TTC7A: variants seen among roughly 807,000 people sequenced by gnomAD.
TTC7A encodes the protein tetratricopeptide repeat domain 7A, also known as tetratricopeptide repeat protein 7A.
Under a neutral mutation model 103.7 loss-of-function variants are expected in TTC7A, and 110 were observed. The ratio of observed to expected loss-of-function variants is 1.06; its 90% CI spans 0.91 to 1.24. TTC7A has a LOEUF of 1.24. Among genes scored for constraint, TTC7A ranks in the 50% most tolerant of loss-of-function variants. TTC7A has a pLI of 0.00. For synonymous variants in TTC7A, 521 were observed against 467.9 expected (o/e 1.11, Z -1.47); for missense variants, 1,340 against 1,116.3 (o/e 1.20, Z -2.86).
chr2:46,917,976 C>G (rs1001283988), intron 2 of TTC7A, among the ~76,000 whole-genome samples: 11 of 152,292 alleles, frequency 7.2e-5, no homozygotes, highest in African/African-American at 2.6e-4. Flanking sequence ...CCTTCTCTAT[C>G]CACCCTCCCT....
chr2:47,038,684 G>T (rs909371494), intron 15 of TTC7A, among the ~76,000 whole-genome samples: 2 of 119,222 alleles, frequency 1.7e-5, no homozygotes, highest in Non-Finnish European at 3.4e-5. Context: ...TCCCAGAATG[G>T]CCAGGAGCCA....
chr2:46,984,330 C>T (rs1374163431), intron 5 of TTC7A, among the ~76,000 whole-genome samples: 1 of 152,232 alleles, frequency 6.6e-6, no homozygotes, highest in African/African-American at 2.4e-5. Context: ...TGGGTGCCCT[C>T]ACCATCTGGA....
At chr2:46,933,242 G>C (rs1669804714) in intron 2 of TTC7A, among the ~76,000 whole-genome samples, 1 of 152,184 alleles carries the variant, frequency 6.6e-6, no homozygotes, top group South Asian at 2.1e-4. Flanking sequence ...AAGGGACTGG[G>C]ATGGTGGGAG....
At chr2:46,993,844 G>T (rs1675881483) in intron 6 of TTC7A, among the ~76,000 whole-genome samples, 1 of 152,176 alleles carries the variant, frequency 6.6e-6, no homozygotes, top group Non-Finnish European at 1.5e-5. Context: ...TTAGGGATTT[G>T]TTTATGATCC....
chr2:47,062,729 T>C (rs1683888015), intron 19 of TTC7A, among the ~76,000 whole-genome samples: 1 of 152,246 alleles, frequency 6.6e-6, no homozygotes, highest in African/African-American at 2.4e-5. Context: ...TTTATGCTTA[T>C]TATTGTTTGT....
chr2:46,963,003 T>C (rs1477382012), intron 3 of TTC7A, among the ~76,000 whole-genome samples: 4 of 152,238 alleles, frequency 2.6e-5, no homozygotes, highest in Non-Finnish European at 4.4e-5. Flanking sequence ...TTCAAGTCCA[T>C]GGATCTAGAT....
chr2:47,020,448 A>AG (rs982471692), intron 11 of TTC7A, among the ~76,000 whole-genome samples: 6 of 152,198 alleles, frequency 3.9e-5, no homozygotes, highest in African/African-American at 1.4e-4. Context: ...GCCTCCCATA[A>AG]GCCCTGGGTT....
chr2:47,041,240 C>T (rs1681711123), intron 15 of TTC7A, among the ~76,000 whole-genome samples: 1 of 152,198 alleles, frequency 6.6e-6, no homozygotes, highest in South Asian at 2.1e-4. Flanking sequence ...GTCCGGCCCA[C>T]ACTGCAGCTA....
intron 11 of TTC7A, among the ~76,000 whole-genome samples, chr2:47,014,054 CT>C (rs1678360474): frequency 6.6e-6 from 1 of 152,192 alleles, no homozygotes; most frequent in Admixed American, 6.5e-5. Context: ...CAGGAATTAT[CT>C]GTCTCTTCTT....
intron 15 of TTC7A, among the ~76,000 whole-genome samples, chr2:47,045,003 G>A (rs941957593): frequency 2.6e-5 from 4 of 152,208 alleles, no homozygotes; most frequent in East Asian, 1.9e-4. Flanking sequence ...GGGACCCTCC[G>A]ATGGAGCAGG....
chr2:46,919,469 G>A (rs978239776), intron 2 of TTC7A, among the ~76,000 whole-genome samples: 7 of 152,248 alleles, frequency 4.6e-5, no homozygotes, highest in African/African-American at 1.7e-4. Context: ...GGCAGCAGAG[G>A]TTGAGGTGAG....
In TTC7A at chr2:47,060,898, T is replaced by C. The variant is rs1683726116; in HGVS notation, c.2282T>C (p.Leu761Pro). The change falls in exon 19 of 20, where the codon CTG becomes CCG. Residue 761 changes from leucine to proline, a missense_variant. Leu to Pro is a moderately conservative substitution (Grantham distance 98). Coordinates refer to ENST00000319190, the MANE Select transcript of TTC7A (RefSeq NM_020458.4). ...RGRLAEVKGNLEEAKQLYKEA... is the reference protein window; with the variant it reads ...RGRLAEVKGNPEEAKQLYKEA... Reference sequence around the variant, plus strand: ...CGGCTGGCTGAGGTGAAGGGCAACCTGGAGGAGGCCAAGCAGCTGTACAAG... The same window carrying C: ...CGGCTGGCTGAGGTGAAGGGCAACCCGGAGGAGGCCAAGCAGCTGTACAAG... 1 of 1,614,182 alleles carries C rather than the reference T, an allele frequency of 6.2e-7. No individual in the cohort carries two copies. The highest frequency in any genetic ancestry group is 8.5e-7 in the Non-Finnish European group (1 of 1,180,020).
chr2:46,915,967 C>A (rs555682166), upstream of TTC7A: 52 of 985,316 alleles, frequency 5.3e-5, no homozygotes, highest in Non-Finnish European at 6.1e-5. Context: ...GCGGGACTGA[C>A]GCAGTTCTTC....
intron 8 of TTC7A, among the ~76,000 whole-genome samples, chr2:46,997,797 A>G (rs1183235628): frequency 6.6e-6 from 1 of 152,078 alleles, no homozygotes; most frequent in Non-Finnish European, 1.5e-5. Context: ...TCCTGGTAGG[A>G]GTGAAGCTGA....
chr2:46,940,895 G>C (rs1335569079), upstream of TTC7A, among the ~76,000 whole-genome samples: 1 of 152,162 alleles, frequency 6.6e-6, no homozygotes, highest in Non-Finnish European at 1.5e-5. This position sits in a 1 kb window ranked among gnomAD's most constrained non-coding sequence, Gnocchi z 4.7. Flanking sequence ...GGCAGCAGCG[G>C]TGACGGGGCC....
intron 19 of TTC7A, chr2:47,065,734 G>A (rs968535973): frequency 2.6e-5 from 4 of 152,210 alleles, no homozygotes; most frequent in African/African-American, 9.7e-5. Context: ...CCTGAAGAAG[G>A]TCCTAGCCCT....
chr2:47,037,116 A>AC (rs1395124775), intron 15 of TTC7A, among the ~76,000 whole-genome samples: 1 of 151,936 alleles, frequency 6.6e-6, no homozygotes, highest in Non-Finnish European at 1.5e-5. Flanking sequence ...TCTTCAGAGG[A>AC]CCCCCTCAGG....
chr2:47,025,566 A>C (rs1234453992), intron 14 of TTC7A, among the ~76,000 whole-genome samples: 1 of 151,932 alleles, frequency 6.6e-6, no homozygotes, highest in African/African-American at 2.4e-5. Context: ...CTCTCACCCC[A>C]TGCCTAGACC....
chr2:46,934,431 G>A (rs1029963717), intron 2 of TTC7A, among the ~76,000 whole-genome samples: 1 of 152,076 alleles, frequency 6.6e-6, no homozygotes, highest in East Asian at 1.9e-4. Flanking sequence ...GCTAATTTTT[G>A]TATTTTTAGT....
Sources: gnomAD v4.1 joint callset for allele counts (sites outside exome capture counted in the v4.1 genomes callset) on GRCh38, gnomAD v4.1.1 for gene constraint, Gnocchi (gnomAD v3.1) non-coding constraint, MANE v1.5 for transcripts, NCBI Gene and HGNC (gene_info 2026-07-23, HGNC 2026-07-21) for gene names.